The following LRRTM4 variants were observed in gnomAD, a reference collection of about 807,000 sequenced individuals.
LRRTM4 encodes the protein leucine-rich repeat transmembrane neuronal protein 4.
In LRRTM4, 25 loss-of-function variants were observed where a neutral mutation model predicts 47.6. That is an observed-to-expected ratio of 0.53 (90% CI 0.38 to 0.73). The LOEUF is 0.73. LRRTM4 is among the 30% of genes least tolerant of loss of function. The probability of loss-of-function intolerance (pLI) is 0.00; values close to 1 mark genes in which losing one functional copy is unlikely to be tolerated. For synonymous variants in LRRTM4, 311 were observed against 269.5 expected (o/e 1.15, Z -1.51); for missense variants, 638 against 713.4 (o/e 0.89, Z 1.20).
intron 3 of LRRTM4, among the ~76,000 whole-genome samples, chr2:77,053,724 G>A (rs902700316): frequency 1.3e-5 from 2 of 151,824 alleles, no homozygotes; most frequent in Non-Finnish European, 2.9e-5. Context: ...GGAACATTGG[G>A]TACACAATTA....
chr2:77,006,252 T>C (rs1677641279), intron 3 of LRRTM4, among the ~76,000 whole-genome samples: 1 of 152,174 alleles, frequency 6.6e-6, no homozygotes, highest in Non-Finnish European at 1.5e-5. Flanking sequence ...CATTCTTTAA[T>C]CTGGACCCTA....
At chr2:77,280,016 T>C (rs548356683) in intron 3 of LRRTM4, among the ~76,000 whole-genome samples, 2 of 152,150 alleles carry the variant, frequency 1.3e-5, no homozygotes, top group African/African-American at 4.8e-5. Flanking sequence ...ACCATGCTAG[T>C]CTGCATGGCA....
intron 3 of LRRTM4, among the ~76,000 whole-genome samples, chr2:77,447,308 A>G (rs113804512): frequency 7.9e-5 from 12 of 152,116 alleles, no homozygotes; most frequent in African/African-American, 2.9e-4. Context: ...AAGCAAGTAT[A>G]TCTGTAAAGA....
intron 3 of LRRTM4, among the ~76,000 whole-genome samples, chr2:76,867,754 G>A (rs1672506724): frequency 6.6e-6 from 1 of 151,914 alleles, no homozygotes; most frequent in African/African-American, 2.4e-5. Flanking sequence ...GTTTATTGAT[G>A]GTGTATAGCA....
At chr2:77,425,952 A>C (rs1324468757) in intron 3 of LRRTM4, among the ~76,000 whole-genome samples, 2 of 149,470 alleles carry the variant, frequency 1.3e-5, no homozygotes, top group African/African-American at 4.9e-5. Flanking sequence ...CCCTGTCTCT[A>C]TTAAAAAAAA....
intron 3 of LRRTM4, among the ~76,000 whole-genome samples, chr2:77,085,954 T>C (rs946210082): frequency 2.0e-5 from 3 of 152,192 alleles, no homozygotes; most frequent in South Asian, 2.1e-4. Context: ...CTTTATGCTA[T>C]TGTCACTCCA....
intron 3 of LRRTM4, among the ~76,000 whole-genome samples, chr2:76,959,892 T>G (rs1675796572): frequency 1.3e-5 from 2 of 151,722 alleles, no homozygotes; most frequent in South Asian, 4.1e-4. Flanking sequence ...TTATTATTAT[T>G]TTAAAATCTC....
intron 3 of LRRTM4, among the ~76,000 whole-genome samples, chr2:76,966,769 TAC>T (rs1378433470): frequency 6.6e-6 from 1 of 151,526 alleles, no homozygotes; most frequent in Non-Finnish European, 1.5e-5. Context: ...GCAATTCTTA[TAC>T]AACATTGTAC....
intron 3 of LRRTM4, among the ~76,000 whole-genome samples, chr2:76,878,498 T>G (rs1450219249): frequency 6.6e-6 from 1 of 151,450 alleles, no homozygotes; most frequent in African/African-American, 2.4e-5. Context: ...CATATCCCAG[T>G]TGCAAATGGA....
chr2:76,782,477 C>T (rs1204708423), intron 3 of LRRTM4, among the ~76,000 whole-genome samples: 2 of 152,190 alleles, frequency 1.3e-5, no homozygotes, highest in African/African-American at 4.8e-5. Context: ...ATATTCACAA[C>T]ACTTGAGCTC....
intron 3 of LRRTM4, among the ~76,000 whole-genome samples, chr2:77,022,025 G>C (rs895104693): frequency 6.6e-6 from 1 of 152,102 alleles, no homozygotes; most frequent in Admixed American, 6.5e-5. Flanking sequence ...ATTTCATGCT[G>C]CTGATAAAGA....
At chr2:77,273,043 T>A (rs1217956079) in intron 3 of LRRTM4, among the ~76,000 whole-genome samples, 1 of 152,198 alleles carries the variant, frequency 6.6e-6, no homozygotes, top group Non-Finnish European at 1.5e-5. Flanking sequence ...AATATTTTCA[T>A]TCTGTGTGGC....
At chr2:77,169,639 C>G (rs922509408) in intron 3 of LRRTM4, among the ~76,000 whole-genome samples, 2 of 152,116 alleles carry the variant, frequency 1.3e-5, no homozygotes, top group African/African-American at 4.8e-5. Context: ...TTCTCTTTCT[C>G]TCTTGAATAC....
chr2:77,420,243 A>G (rs796896766), intron 3 of LRRTM4, among the ~76,000 whole-genome samples: 1 of 152,214 alleles, frequency 6.6e-6, no homozygotes, highest in African/African-American at 2.4e-5. Context: ...AACAGAACAC[A>G]TGGATTACCT....
chr2:77,356,126 G>A (rs770879187), intron 3 of LRRTM4, among the ~76,000 whole-genome samples: 4 of 152,074 alleles, frequency 2.6e-5, no homozygotes, highest in South Asian at 2.1e-4. Flanking sequence ...AGTGGGCCTC[G>A]AATGCCAGGA....
intron 3 of LRRTM4, among the ~76,000 whole-genome samples, chr2:76,873,572 C>T (rs1341588064): frequency 7.2e-6 from 1 of 138,736 alleles, no homozygotes; most frequent in South Asian, 2.3e-4. Context: ...AAAAGATATG[C>T]TAGATCCTCT....
chr2:77,477,670 C>T (rs1008683159), intron 3 of LRRTM4, among the ~76,000 whole-genome samples: 73 of 151,422 alleles, frequency 4.8e-4, no homozygotes, highest in African/African-American at 1.7e-3. Context: ...GGAGAAACCC[C>T]GTCTCCACTA....
intron 3 of LRRTM4, among the ~76,000 whole-genome samples, chr2:76,935,642 GCTCT>G (rs528913706): frequency 1.5e-3 from 230 of 152,104 alleles, no homozygotes; most frequent in Middle Eastern, 3.4e-3. Context: ...TCATGATTTG[GCTCT>G]CTGTTATTGG....
intron 3 of LRRTM4, among the ~76,000 whole-genome samples, chr2:77,366,583 G>A (rs934377021): frequency 6.6e-6 from 1 of 151,666 alleles, no homozygotes; most frequent in Non-Finnish European, 1.5e-5. Context: ...TATCTCACTT[G>A]GATGTCTCAA....
Sources: gnomAD v4.1 joint callset for allele counts (sites outside exome capture counted in the v4.1 genomes callset) on GRCh38, gnomAD v4.1.1 for gene constraint, MANE v1.5 for transcripts, NCBI Gene and HGNC (gene_info 2026-07-23, HGNC 2026-07-21) for gene names.